Variants in ELMO2 observed in about 807,000 individuals in gnomAD.
ELMO2 encodes the protein engulfment and cell motility 2, also known as engulfment and cell motility protein 2.
ELMO2 carries 37 observed loss-of-function variants against 96.2 expected under a neutral mutation model. The ratio of observed to expected loss-of-function variants is 0.38; its 90% CI spans 0.30 to 0.51. ELMO2 has a LOEUF of 0.51. ELMO2 is among the 20% of genes least tolerant of loss of function. ELMO2 has a pLI of 0.88. For synonymous variants in ELMO2, 315 were observed against 329.4 expected, an observed-to-expected ratio of 0.96 and a Z score of 0.47; for missense variants, 561 against 912.6, an observed-to-expected ratio of 0.61 and a Z score of 4.96.
At chr20:46,390,280 G>A (rs2060129365) in intron 6 of ELMO2, among the ~76,000 whole-genome samples, 1 of 152,214 alleles carries the variant, frequency 6.6e-6, no homozygotes, top group Non-Finnish European at 1.5e-5. Context: ...ACCTGTCAAA[G>A]ACGCTGTAGA....
intron 1 of ELMO2, among the ~76,000 whole-genome samples, chr20:46,400,959 A>G (rs1364802323): frequency 2.0e-5 from 3 of 152,238 alleles, no homozygotes; most frequent in East Asian, 3.8e-4. Context: ...TCCTCCTATT[A>G]GTAAGGAATT....
intron 6 of ELMO2, among the ~76,000 whole-genome samples, chr20:46,392,704 C>T (rs2060174167): frequency 6.6e-6 from 1 of 152,224 alleles, no homozygotes; most frequent in African/African-American, 2.4e-5. Flanking sequence ...TTGGCATATG[C>T]TGATTTCTCT....
Position 46,375,179 on chromosome 20 carries a change from C to A in ELMO2, c.1065+57G>T. The A allele has an allele frequency of 1.3e-6, 2 of 1,582,438 alleles. No homozygotes were observed. Among genetic ancestry groups the A allele is most frequent in the Admixed American group, 3.4e-5 (2 of 58,816 alleles). ...TGTCAGAGCTCTGTCTGGGTGGGAC[C>A]ATTGACTTCCCATCAGGGGAGAGGG... On this transcript the variant is annotated intron_variant, in intron 13 of 21. Transcript: ENST00000290246. This position sits in a 1 kb window ranked among gnomAD's most constrained non-coding sequence, Gnocchi z 4.6.
intron 5 of ELMO2, 66 bp from the exon 6 acceptor site, chr20:46,393,209 G>A (rs145864570): frequency 1.4e-6 from 2 of 1,475,802 alleles, no homozygotes; most frequent in African/African-American, 2.8e-5. Flanking sequence ...CAAGCAAGTT[G>A]AATCAACAAT....
chr20:46,386,213 G>A lies in ELMO2; in HGVS notation c.588C>T (p.Ile196=). Residue 196 remains isoleucine (I), a synonymous_variant, in exon 9 of 22, where the codon ATC becomes ATT. Transcript: ENST00000290246. ...DVSILQRSLA[I]LESMVLNSQS... ...GGCTGTTCAAGACCATGCTCTCCAG[G>A]ATGGCCAGGGACCTCTGAAGGATTG... 1.9e-6 allele frequency: 3 copies of A among 1,614,100 alleles called. No individual in the cohort carries two copies. The highest frequency in any genetic ancestry group is 2.5e-6 in the Non-Finnish European group (3 of 1,179,998).
At position 46,367,577 on chromosome 20, in the gene ELMO2, G is replaced by A. The variant is rs753826110; in HGVS notation, c.1963-17C>T. 1 of 1,587,420 alleles carries A rather than the reference G, an allele frequency of 6.3e-7. No homozygotes were observed. The highest frequency in any genetic ancestry group is 8.6e-7 in the Non-Finnish European group (1 of 1,167,690). ...GATGCAGTACTGTGGGGAGCAAGTTGCAAAATGTCACATCGTGACCCCTGG... is the reference window on the plus strand; with the variant it reads ...GATGCAGTACTGTGGGGAGCAAGTTACAAAATGTCACATCGTGACCCCTGG... On this transcript the variant is annotated splice_polypyrimidine_tract_variant and intron_variant, in intron 21 of 21. Coordinates refer to ENST00000290246, the MANE Select transcript of ELMO2 (RefSeq NM_133171.5).
At position 46,382,342 on chromosome 20, in the gene ELMO2, T is replaced by C. The variant is rs894579329; in HGVS notation, c.756+1074A>G. 9.7e-6 allele frequency: 11 copies of C among 1,134,054 alleles called. No homozygotes were observed. The African/African-American group carries it at 1.3e-4, about 13-fold the overall frequency. 70.2% of individuals were successfully genotyped at this position (1,134,054 alleles called of 1,614,324 possible). The stretch of plus-strand genomic sequence containing the variant: ...AAGGCAGATTAACAGAGCCAAGCCA[T>C]CCAAGAAAGACAAGGACAGACAGAA... On this transcript the variant is annotated intron_variant, in intron 10 of 21. Transcript: ENST00000290246.
intron 2 of ELMO2, among the ~76,000 whole-genome samples, chr20:46,397,138 T>C (rs1189432582): frequency 6.6e-6 from 1 of 152,208 alleles, no homozygotes; most frequent in Admixed American, 6.5e-5. Flanking sequence ...AAGTTAGCCC[T>C]GAATGATTCT....
chr20:46,382,111 C>G, intron 10 of ELMO2: 1 of 1,121,776 alleles, frequency 8.9e-7, no homozygotes, highest in African/African-American at 1.6e-5. Flanking sequence ...CTTGGCATGC[C>G]CTGAACATCT....
intron 1 of ELMO2, among the ~76,000 whole-genome samples, chr20:46,405,846 T>C (rs536026294): frequency 5.6e-4 from 85 of 152,164 alleles, no homozygotes; most frequent in African/African-American, 1.9e-3. Context: ...ATCGCGCCAT[T>C]GCACTCCAGC....
chr20:46,384,536 C>T (rs78770519), intron 9 of ELMO2, among the ~76,000 whole-genome samples: 1,336 of 108,298 alleles, frequency 0.012, 16 homozygotes, highest in African/African-American at 0.045. Context: ...ACTGGGGCCA[C>T]TCTGAATTCA....
intron 9 of ELMO2, among the ~76,000 whole-genome samples, chr20:46,384,812 A>G (rs547585350): frequency 6.6e-6 from 1 of 151,930 alleles, no homozygotes; most frequent in African/African-American, 2.4e-5. Flanking sequence ...AAAAAAAAAA[A>G]AAAAACTAGC....
chr20:46,403,386 A>C (rs1466996706), intron 1 of ELMO2, among the ~76,000 whole-genome samples: 1 of 152,218 alleles, frequency 6.6e-6, no homozygotes, highest in African/African-American at 2.4e-5. Flanking sequence ...TTTTCTAGTG[A>C]CTCACATGAA....
At position 46,367,475 on chromosome 20, in the gene ELMO2, A is replaced by G. The variant is rs2059606491; in HGVS notation, c.2048T>C (p.Leu683Pro). 6.2e-7 allele frequency: 1 copy of G among 1,613,738 alleles called. No homozygotes were observed. Residue 683 changes from leucine to proline, a missense_variant, in exon 22 of 22, where the codon CTG becomes CCG. Coordinates refer to ENST00000290246, the MANE Select transcript of ELMO2 (RefSeq NM_133171.5). ...ELTKSDLDTL[L>P]SMEMKLRLLD... is the part of the protein sequence containing the mutation. ...GAGCCGCAGCTTCATCTCCATGCTC[A>G]GCAGGGTGTCCAGGTCACTCTTGGT...
rs762010279 is a variant in ELMO2 at position 46,373,546 on chromosome 20, G to A, written c.1280-11C>T. 1 of 1,611,436 alleles carries A rather than the reference G, an allele frequency of 6.2e-7. No homozygotes were observed. Among genetic ancestry groups the A allele is most frequent in the Non-Finnish European group, 8.5e-7 (1 of 1,178,810 alleles). On this transcript the variant is annotated splice_polypyrimidine_tract_variant and intron_variant, in intron 15 of 21. Transcript: ENST00000290246. Reference sequence around the variant, plus strand: ...TGCGTCCTTCATTTGCTGTGGAAGTGAAAAAACAGGGAGAAGATGAAGCCT... The same window carrying A: ...TGCGTCCTTCATTTGCTGTGGAAGTAAAAAAACAGGGAGAAGATGAAGCCT...
intron 2 of ELMO2, among the ~76,000 whole-genome samples, chr20:46,395,030 C>T (rs1218123589): frequency 6.6e-6 from 1 of 152,198 alleles, no homozygotes; most frequent in Non-Finnish European, 1.5e-5. Context: ...GATGCCACCC[C>T]TTTCCCCTCA....
intron 11 of ELMO2, among the ~76,000 whole-genome samples, chr20:46,376,349 C>A (rs1426845456): frequency 9.2e-5 from 14 of 152,058 alleles, no homozygotes; most frequent in Admixed American, 9.2e-4. Context: ...TTCCTTCCTT[C>A]CTCTCACTTG....
chr20:46,393,381 C>T, intron 5 of ELMO2, 148 bp downstream of exon 5: 1 of 987,244 alleles, frequency 1.0e-6, no homozygotes, highest in Admixed American at 2.1e-5. Flanking sequence ...AGAACAAGGG[C>T]TGGTGTTTCC....
chr20:46,404,564 C>T (rs938836726), intron 1 of ELMO2, among the ~76,000 whole-genome samples: 1 of 152,142 alleles, frequency 6.6e-6, no homozygotes, highest in African/African-American at 2.4e-5. Context: ...CAGTAAAGTG[C>T]AGATAACAAC....
Sources: gnomAD v4.1 joint callset for allele counts (sites outside exome capture counted in the v4.1 genomes callset) on GRCh38, gnomAD v4.1.1 for gene constraint, Gnocchi (gnomAD v3.1) non-coding constraint, MANE v1.5 for transcripts, NCBI Gene and HGNC (gene_info 2026-07-23, HGNC 2026-07-21) for gene names.